GALNT13: variants seen among roughly 807,000 people sequenced by gnomAD.
GALNT13 encodes polypeptide N-acetylgalactosaminyltransferase 13, also known as UDP-GalNAc:polypeptide N-acetylgalactosaminyltransferase 13.
GALNT13 carries 28 observed loss-of-function variants against 64.2 expected under a neutral mutation model. That is an observed-to-expected ratio of 0.44 (90% confidence interval 0.32 to 0.60). The LOEUF (loss-of-function observed/expected upper bound fraction) is 0.60. GALNT13 is among the 20% of genes least tolerant of loss of function. The pLI is 0.05. For synonymous variants in GALNT13, 214 were observed against 224.6 expected, an observed-to-expected ratio of 0.95 and a Z score of 0.42; for missense variants, 577 against 669.8, an observed-to-expected ratio of 0.86 and a Z score of 1.53.
At chr2:154,256,700 G>C (rs116143042) in intron 7 of GALNT13, among the ~76,000 whole-genome samples, 1 of 152,110 alleles carries the variant, frequency 6.6e-6, no homozygotes, top group African/African-American at 2.4e-5. Flanking sequence ...ATTGAGAACT[G>C]TGTTAAGTGC....
At chr2:154,314,718 T>C (rs13032106) in intron 9 of GALNT13, among the ~76,000 whole-genome samples, 29,237 of 152,062 alleles carry the variant, frequency 0.19, 3,284 homozygotes, top group Middle Eastern at 0.35. Flanking sequence ...GGGAAACTAA[T>C]TGAGTGAGAA....
chr2:153,988,161 C>T (rs1694928824), intron 3 of GALNT13, among the ~76,000 whole-genome samples: 1 of 151,448 alleles, frequency 6.6e-6, no homozygotes, highest in African/African-American at 2.4e-5. Flanking sequence ...TTTTACCTAT[C>T]ATGTTTTATG....
At chr2:153,257,981 G>A in the GALNT13 span, among the ~76,000 whole-genome samples, 1 of 152,082 alleles carries the variant, frequency 6.6e-6, no homozygotes, top group Non-Finnish European at 1.5e-5. Context: ...AGTAAAGAAT[G>A]TCACTTTCTA....
chr2:153,318,508 G>C, the GALNT13 span, among the ~76,000 whole-genome samples: 5 of 152,168 alleles, frequency 3.3e-5, no homozygotes, highest in Non-Finnish European at 7.3e-5. Flanking sequence ...GCTCTGACAG[G>C]CATTTTCCAA....
chr2:154,031,358 T>C (rs1426157711), intron 3 of GALNT13, among the ~76,000 whole-genome samples: 1 of 151,836 alleles, frequency 6.6e-6, no homozygotes, highest in African/African-American at 2.4e-5. Context: ...AAACAACATA[T>C]GGAACAAGTA....
At chr2:153,359,805 A>T in the GALNT13 span, among the ~76,000 whole-genome samples, 3 of 152,186 alleles carry the variant, frequency 2.0e-5, no homozygotes, top group African/African-American at 7.2e-5. Context: ...ATGCTAATGG[A>T]AAAATGTGGA....
intron 4 of GALNT13, among the ~76,000 whole-genome samples, chr2:154,185,667 AT>A (rs1458154214): frequency 6.6e-6 from 1 of 151,836 alleles, no homozygotes; most frequent in Non-Finnish European, 1.5e-5. Flanking sequence ...CAGACATTAT[AT>A]TTTTTAGTTT....
intron 1 of GALNT13, among the ~76,000 whole-genome samples, chr2:153,877,481 T>A (rs1686460342): frequency 6.6e-6 from 1 of 152,160 alleles, no homozygotes; most frequent in South Asian, 2.1e-4. Context: ...AAATAACATC[T>A]TGAAGATAGT....
the GALNT13 span, among the ~76,000 whole-genome samples, chr2:153,632,824 C>T: frequency 3.3e-5 from 5 of 152,054 alleles, no homozygotes; most frequent in East Asian, 1.9e-4. Flanking sequence ...GCAATCTCAG[C>T]GCAATGCAAC....
At chr2:153,344,442 A>T in the GALNT13 span, among the ~76,000 whole-genome samples, 1 of 152,186 alleles carries the variant, frequency 6.6e-6, no homozygotes, top group Non-Finnish European at 1.5e-5. Context: ...GATTCAGGTT[A>T]TGTATTTCTG....
intron 8 of GALNT13, chr2:154,286,608 A>G (rs1305866656): frequency 8.5e-6 from 2 of 236,078 alleles, no homozygotes; most frequent in Non-Finnish European, 1.7e-5. Context: ...AGCATGTTTG[A>G]GTCTATTAAC....
the GALNT13 span, among the ~76,000 whole-genome samples, chr2:153,219,837 T>C: frequency 7.2e-5 from 11 of 152,366 alleles, no homozygotes; most frequent in East Asian, 3.9e-4. Context: ...AGCTGAGTTA[T>C]TGCTGAATCT....
At chr2:153,885,638 G>T (rs1427383796) in intron 1 of GALNT13, among the ~76,000 whole-genome samples, 1 of 151,976 alleles carries the variant, frequency 6.6e-6, no homozygotes, top group African/African-American at 2.4e-5. Flanking sequence ...GTTTTTAAAC[G>T]GTACCAGTTA....
At chr2:153,708,567 G>A in the GALNT13 span, among the ~76,000 whole-genome samples, 1 of 152,136 alleles carries the variant, frequency 6.6e-6, no homozygotes, top group African/African-American at 2.4e-5. Context: ...TGAAAGGACT[G>A]TGGCTTTAGT....
chr2:154,236,955 CT>C (rs1689225702), intron 4 of GALNT13, among the ~76,000 whole-genome samples: 1 of 151,806 alleles, frequency 6.6e-6, no homozygotes, highest in African/African-American at 2.4e-5. Flanking sequence ...TTTTAATATG[CT>C]TTATTTGTTT....
chr2:153,536,060 A>C, the GALNT13 span, among the ~76,000 whole-genome samples: 1 of 152,190 alleles, frequency 6.6e-6, no homozygotes, highest in Non-Finnish European at 1.5e-5. Flanking sequence ...CCCTCTTAGC[A>C]AAGTCTGCCC....
At chr2:154,035,479 G>A (rs1698606591) in intron 3 of GALNT13, among the ~76,000 whole-genome samples, 1 of 152,072 alleles carries the variant, frequency 6.6e-6, no homozygotes, top group South Asian at 2.1e-4. Flanking sequence ...ATAAATGGGA[G>A]TATATAGCAA....
the GALNT13 span, among the ~76,000 whole-genome samples, chr2:153,400,727 T>C: frequency 1.3e-5 from 2 of 152,226 alleles, no homozygotes; most frequent in Non-Finnish European, 2.9e-5. Flanking sequence ...GTATTTGTAG[T>C]ATTCTCTGAT....
At chr2:154,043,521 A>C (rs1410147290) in intron 3 of GALNT13, among the ~76,000 whole-genome samples, 2 of 149,396 alleles carry the variant, frequency 1.3e-5, no homozygotes, top group African/African-American at 4.9e-5. Flanking sequence ...AAAATCTAAC[A>C]GTTATTTGCT....
Sources: gnomAD v4.1 joint callset for allele counts (sites outside exome capture counted in the v4.1 genomes callset) on GRCh38, gnomAD v4.1.1 for gene constraint, MANE v1.5 for transcripts, NCBI Gene and HGNC (gene_info 2026-07-23, HGNC 2026-07-21) for gene names.